KCNIP1: variants seen among roughly 807,000 people sequenced by gnomAD.
The protein encoded by KCNIP1 is A-type potassium channel modulatory protein KCNIP1.
KCNIP1 carries 18 observed loss-of-function variants against 33.0 expected under a neutral mutation model. That is an observed-to-expected ratio of 0.55 (90% CI 0.38 to 0.81). KCNIP1 has a LOEUF of 0.81. Among genes scored for constraint, KCNIP1 ranks in the 30% least tolerant of loss-of-function variants. KCNIP1 has a pLI of 0.00. For missense variants in KCNIP1, 238 were observed against 271.6 expected (o/e 0.88, Z 0.87); for synonymous variants, 93 against 98.3 (o/e 0.95, Z 0.32).
intron 1 of KCNIP1, among the ~76,000 whole-genome samples, chr5:170,699,821 G>T (rs1273123512): frequency 6.6e-6 from 1 of 152,076 alleles, no homozygotes; most frequent in Non-Finnish European, 1.5e-5. Flanking sequence ...TATGTCACAG[G>T]CCCTCGATTG....
chr5:170,653,150 GC>G (rs1761118720), intron 1 of KCNIP1, among the ~76,000 whole-genome samples: 1 of 152,228 alleles, frequency 6.6e-6, no homozygotes, highest in Non-Finnish European at 1.5e-5. Context: ...AGAAAAGTCA[GC>G]CCAGCTATGA....
intron 1 of KCNIP1, among the ~76,000 whole-genome samples, chr5:170,395,699 A>G (rs1754743515): frequency 6.6e-6 from 1 of 152,146 alleles, no homozygotes; most frequent in African/African-American, 2.4e-5. Flanking sequence ...CAATTGCTCA[A>G]CCCTGTCCCA....
intron 1 of KCNIP1, chr5:170,422,936 C>T (rs1053974071): frequency 2.0e-5 from 3 of 152,196 alleles, no homozygotes; most frequent in Admixed American, 6.5e-5. Context: ...AAATCCAAAA[C>T]TCAGCTGAGC....
intron 1 of KCNIP1, among the ~76,000 whole-genome samples, chr5:170,638,486 A>G (rs1760388604): frequency 6.6e-6 from 1 of 152,174 alleles, no homozygotes; most frequent in Admixed American, 6.5e-5. Context: ...ATTTGACCCC[A>G]TAGTCTAAGG....
chr5:170,560,743 C>T lies in KCNIP1; in HGVS notation c.61+56110C>T, dbSNP rs1581326406. Among the ~76,000 whole-genome samples the T allele has an allele frequency of 2.0e-5, 3 of 152,150 alleles. No individual in the cohort carries two copies. In the South Asian group the frequency reaches 6.2e-4, roughly 32 times the overall value. On this transcript the variant is annotated intron_variant, in intron 1 of 7. Coordinates refer to ENST00000328939, the MANE Select transcript of KCNIP1 (RefSeq NM_014592.4). ...CTGTCCCCTCTATGTATGTTTGTGT[C>T]TCTTTCTGTCTCCTCTGCCTTTCTT... is the stretch of plus-strand genomic sequence containing the variant.
At chr5:170,498,602 G>C (rs1757354362) in intron 1 of KCNIP1, among the ~76,000 whole-genome samples, 1 of 152,172 alleles carries the variant, frequency 6.6e-6, no homozygotes, top group Admixed American at 6.5e-5. Context: ...AGCTTCCTGA[G>C]AGCAGGTACT....
At chr5:170,711,876 G>C (rs1463212673) in intron 1 of KCNIP1, among the ~76,000 whole-genome samples, 1 of 152,186 alleles carries the variant, frequency 6.6e-6, no homozygotes, top group East Asian at 1.9e-4. Flanking sequence ...CGATCACTTT[G>C]AAGAGCAGCA....
chr5:170,474,880 A>G (rs1756817410), intron 1 of KCNIP1, among the ~76,000 whole-genome samples: 1 of 152,182 alleles, frequency 6.6e-6, no homozygotes, highest in Non-Finnish European at 1.5e-5. Context: ...GCAACAGAAC[A>G]AACCCCCCAC....
intron 1 of KCNIP1, among the ~76,000 whole-genome samples, chr5:170,398,529 T>G (rs1754815463): frequency 6.6e-6 from 1 of 152,260 alleles, no homozygotes; most frequent in African/African-American, 2.4e-5. Flanking sequence ...TTCATCTGTT[T>G]TTAAATTTGC....
intron 1 of KCNIP1, among the ~76,000 whole-genome samples, chr5:170,699,893 G>C (rs1763032971): frequency 6.6e-6 from 1 of 152,210 alleles, no homozygotes; most frequent in African/African-American, 2.4e-5. Flanking sequence ...GCCCCACAGA[G>C]CCATCCTCCG....
chr5:170,497,707 G>A (rs1220404986), intron 1 of KCNIP1, among the ~76,000 whole-genome samples: 6 of 152,146 alleles, frequency 3.9e-5, no homozygotes, highest in South Asian at 2.1e-4. Context: ...CATAGTGCTG[G>A]CACCCATGAA....
chr5:170,476,541 G>A (rs1306550583), intron 1 of KCNIP1, among the ~76,000 whole-genome samples: 1 of 152,064 alleles, frequency 6.6e-6, no homozygotes, highest in Non-Finnish European at 1.5e-5. Context: ...AAAAATTTTT[G>A]TTTAGCCTTA....
At chr5:170,520,884 T>C (rs1755339456) in intron 1 of KCNIP1, among the ~76,000 whole-genome samples, 2 of 152,172 alleles carry the variant, frequency 1.3e-5, no homozygotes, top group South Asian at 4.2e-4. Flanking sequence ...GTTCTGCCTT[T>C]CTCGGGCGTG....
At chr5:170,724,932 C>T (rs1388318786) in intron 5 of KCNIP1, among the ~76,000 whole-genome samples, 1 of 152,152 alleles carries the variant, frequency 6.6e-6, no homozygotes, top group Non-Finnish European at 1.5e-5. Context: ...CAATCAAAAT[C>T]CCAGCAGGTA....
intron 1 of KCNIP1, chr5:170,483,183 C>G (rs1446669080): frequency 2.4e-6 from 1 of 410,096 alleles, no homozygotes; most frequent in Non-Finnish European, 4.8e-6. Flanking sequence ...TCATCCAGGC[C>G]TGAAAATCAT....
intron 1 of KCNIP1, among the ~76,000 whole-genome samples, chr5:170,442,188 G>A (rs753059745): frequency 4.6e-5 from 7 of 152,056 alleles, no homozygotes; most frequent in Admixed American, 1.3e-4. Context: ...CATGAGCTCT[G>A]AGGCCCTTGA....
At position 170,504,412 on chromosome 5, in the gene KCNIP1, T is replaced by G; in HGVS notation, c.-161T>G. On this transcript the variant is annotated 5_prime_UTR_variant, in exon 1 of 8. Coordinates refer to ENST00000328939, the MANE Select transcript of KCNIP1 (RefSeq NM_014592.4). This position sits in a 1 kb window ranked among gnomAD's most constrained non-coding sequence, Gnocchi z 6.0. Reference sequence around the variant, plus strand: ...GGGCTGAAGAAGGAAGCCAGAAGCCTCCTAGCCTCGCCTCCACGCTTGCTG... The same window carrying G: ...GGGCTGAAGAAGGAAGCCAGAAGCCGCCTAGCCTCGCCTCCACGCTTGCTG... 2.7e-6 allele frequency: 4 copies of G among 1,460,902 alleles called. No individual in the cohort carries two copies. The highest frequency in any genetic ancestry group is 3.6e-6 in the Non-Finnish European group (4 of 1,113,636). 90.5% of individuals were successfully genotyped at this position (1,460,902 alleles called of 1,614,324 possible).
chr5:170,530,721 C>T (rs1755756634), intron 1 of KCNIP1, among the ~76,000 whole-genome samples: 1 of 152,224 alleles, frequency 6.6e-6, no homozygotes, highest in African/African-American at 2.4e-5. Context: ...GCTCAGATAG[C>T]AGAGGGACCT....
intron 1 of KCNIP1, chr5:170,483,035 T>C (rs1400763305): frequency 2.2e-6 from 1 of 451,388 alleles, no homozygotes; most frequent in Non-Finnish European, 4.4e-6. Flanking sequence ...AAACAGCCTT[T>C]CTTCCCTTTT....
Sources: gnomAD v4.1 joint callset for allele counts (sites outside exome capture counted in the v4.1 genomes callset) on GRCh38, gnomAD v4.1.1 for gene constraint, Gnocchi (gnomAD v3.1) non-coding constraint, MANE v1.5 for transcripts, NCBI Gene and HGNC (gene_info 2026-07-23, HGNC 2026-07-21) for gene names.